The following UBXN4 variants were observed in gnomAD, a reference collection of about 807,000 sequenced individuals.
UBXN4 encodes the protein UBX domain protein 4.
UBXN4 carries 35 observed loss-of-function variants against 66.2 expected under a neutral mutation model. The ratio of observed to expected loss-of-function variants is 0.53; its 90% CI spans 0.40 to 0.70. The LOEUF (loss-of-function observed/expected upper bound fraction) is 0.70. Ranked by LOEUF, UBXN4 falls within the 30% of genes least tolerant of loss-of-function variation. The pLI is 0.00. For synonymous variants in UBXN4, 203 were observed against 204.5 expected, an observed-to-expected ratio of 0.99 and a Z score of 0.06; for missense variants, 533 against 599.8, an observed-to-expected ratio of 0.89 and a Z score of 1.16.
At chr2:135,778,621 T>C (rs2077432085) in intron 10 of UBXN4, among the ~76,000 whole-genome samples, 1 of 152,214 alleles carries the variant, frequency 6.6e-6, no homozygotes, top group Admixed American at 6.5e-5. Context: ...TGCCAAAGGA[T>C]AGTGAAAACC....
At position 135,769,752 on chromosome 2, in the gene UBXN4, T is replaced by C. The variant is rs753295178; in HGVS notation, c.603-17T>C. On this transcript the variant is annotated splice_polypyrimidine_tract_variant and intron_variant, in intron 6 of 12. Coordinates refer to ENST00000272638, the MANE Select transcript of UBXN4 (RefSeq NM_014607.4). The stretch of plus-strand genomic sequence containing the variant: ...GATGTGTCTCAATTAGTGGTGGTTT[T>C]TTTTTTTTTAATACAGACTAACAAA... 2 of 1,553,850 alleles carry C rather than the reference T, an allele frequency of 1.3e-6. No individual in the cohort carries two copies. The highest frequency in any genetic ancestry group is 2.4e-5 in the South Asian group (2 of 82,794).
intron 9 of UBXN4, among the ~76,000 whole-genome samples, chr2:135,774,651 C>T (rs1470823684): frequency 6.6e-6 from 1 of 152,160 alleles, no homozygotes; most frequent in East Asian, 1.9e-4. Context: ...TCAAAACCAG[C>T]CTCGCCAACG....
intron 6 of UBXN4, among the ~76,000 whole-genome samples, chr2:135,768,247 G>A (rs2077359303): frequency 6.6e-6 from 1 of 151,920 alleles, no homozygotes; most frequent in African/African-American, 2.4e-5. Flanking sequence ...TTCCCAGGCT[G>A]GAGTGCAGTT....
intron 5 of UBXN4, among the ~76,000 whole-genome samples, chr2:135,761,270 G>A (rs959205568): frequency 6.6e-6 from 1 of 152,192 alleles, no homozygotes; most frequent in Admixed American, 6.5e-5. Flanking sequence ...GCATAAAGAG[G>A]CTCTCTAAGG....
intron 10 of UBXN4, among the ~76,000 whole-genome samples, chr2:135,776,859 G>C (rs1279563340): frequency 6.6e-6 from 1 of 152,166 alleles, no homozygotes; most frequent in African/African-American, 2.4e-5. Context: ...CTCGCAGTGC[G>C]TTGGGATTAC....
intron 1 of UBXN4, among the ~76,000 whole-genome samples, chr2:135,742,246 C>A (rs924554977): frequency 4.6e-5 from 7 of 152,216 alleles, no homozygotes; most frequent in African/African-American, 1.7e-4. Flanking sequence ...CGCCCCCAGC[C>A]TTTCCTCAGT....
At chr2:135,772,143 G>A (rs533896769) in intron 8 of UBXN4, among the ~76,000 whole-genome samples, 2 of 151,918 alleles carry the variant, frequency 1.3e-5, no homozygotes, top group East Asian at 3.9e-4. Flanking sequence ...AACAAAGTGA[G>A]ACCCCACCTC....
rs185790312 is a variant in UBXN4 at position 135,755,609 on chromosome 2, C to T, written c.426C>T (p.Asn142=). 996 of 1,610,090 alleles carry T rather than the reference C, an allele frequency of 6.2e-4. 3 individuals are homozygous for T. The highest frequency in any genetic ancestry group is 1.1e-3 in the African/African-American group (85 of 74,886). The change falls in exon 5 of 13, where the codon AAC becomes AAT. Residue 142 remains asparagine (N), a synonymous_variant. Coordinates refer to ENST00000272638, the MANE Select transcript of UBXN4 (RefSeq NM_014607.4). Reference sequence around the variant, plus strand: ...CATCTGCGTCATTTGAACCTAACAACACTTGTGAAAACTCTCAGTCCAGAA... The same window carrying T: ...CATCTGCGTCATTTGAACCTAACAATACTTGTGAAAACTCTCAGTCCAGAA... The part of the protein sequence containing the change: ...STPSASFEPN[N]TCENSQSRNA...
chr2:135,753,440 A>T, intron 2 of UBXN4, 99 bp from the exon 3 acceptor site: 1 of 1,049,584 alleles, frequency 9.5e-7, no homozygotes, highest in Non-Finnish European at 1.3e-6. Context: ...TAGTTGCAGG[A>T]AAATACTTGT....
intron 2 of UBXN4, among the ~76,000 whole-genome samples, chr2:135,750,429 C>T (rs932329914): frequency 5.9e-5 from 9 of 152,022 alleles, no homozygotes; most frequent in African/African-American, 2.2e-4. Flanking sequence ...TGCTGTGAAC[C>T]CGGGAGGCAG....
At chr2:135,762,419 A>C (rs996170762) in intron 6 of UBXN4, among the ~76,000 whole-genome samples, 1 of 152,178 alleles carries the variant, frequency 6.6e-6, no homozygotes, top group African/African-American at 2.4e-5. Context: ...TGATTCCTAC[A>C]TGAGTTAATA....
intron 6 of UBXN4, among the ~76,000 whole-genome samples, chr2:135,766,312 A>G (rs1575320223): frequency 6.6e-6 from 1 of 152,220 alleles, no homozygotes; most frequent in African/African-American, 2.4e-5. Flanking sequence ...ACGTTTATAC[A>G]CCATTTTCAG....
rs1427329559 is a variant in UBXN4, at chr2:135,779,004, A to G, written c.1110A>G (p.Glu370=). 2.5e-5 allele frequency: 40 copies of G among 1,613,646 alleles called. No homozygotes were observed. Among genetic ancestry groups the G allele is most frequent in the Non-Finnish European group, 3.1e-5 (37 of 1,179,860 alleles). Residue 370 remains glutamate, a synonymous_variant, in exon 11 of 13, where the codon GAA becomes GAG. Coordinates refer to ENST00000272638, the MANE Select transcript of UBXN4 (RefSeq NM_014607.4). The part of the protein sequence containing the change: ...FSLATMFPRR[E]FTKEDYKKKL... ...TAGCAACCATGTTTCCCAGGAGGGA[A>G]TTTACCAAAGAAGATTATAAAAAGA...
chr2:135,760,305 C>T (rs2077307167), intron 5 of UBXN4, among the ~76,000 whole-genome samples: 1 of 152,048 alleles, frequency 6.6e-6, no homozygotes, highest in Non-Finnish European at 1.5e-5. Context: ...GTAGCGTGCA[C>T]TGGTGGCCCC....
intron 5 of UBXN4, among the ~76,000 whole-genome samples, chr2:135,760,140 C>G (rs2077306345): frequency 6.6e-6 from 1 of 152,054 alleles, no homozygotes; most frequent in Admixed American, 6.6e-5. Flanking sequence ...TTTGGGTCAC[C>G]CATAAAGTTA....
intron 2 of UBXN4, among the ~76,000 whole-genome samples, chr2:135,749,714 C>T (rs1402320122): frequency 6.6e-6 from 1 of 152,090 alleles, no homozygotes. Flanking sequence ...AATAACCAGC[C>T]AGTGTTCGAC....
At chr2:135,748,661 GC>G (rs892522113) in intron 2 of UBXN4, among the ~76,000 whole-genome samples, 1 of 151,614 alleles carries the variant, frequency 6.6e-6, no homozygotes, top group Non-Finnish European at 1.5e-5. Flanking sequence ...GAAGACTGGG[GC>G]TACAGTGAGC....
chr2:135,766,153 CAAAA>C (rs111265108), intron 6 of UBXN4, among the ~76,000 whole-genome samples: 1 of 121,320 alleles, frequency 8.2e-6, no homozygotes, highest in Non-Finnish European at 1.8e-5. Flanking sequence ...AAAGCCATCT[CAAAA>C]AAAAAAAAAA....
rs558526792 is a variant in UBXN4 at position 135,747,693 on chromosome 2, G to A, written c.83-574G>A. On this transcript the variant is annotated intron_variant, in intron 1 of 12. Coordinates refer to ENST00000272638, the MANE Select transcript of UBXN4 (RefSeq NM_014607.4). ...TGTGTCACCCAGGCTGGAGTGCAGT[G>A]GTGCAATCTCCGCTCACTGCAACTT... 478 of 456,272 alleles carry A rather than the reference G, an allele frequency of 1.0e-3. 2 individuals carry two copies. The highest frequency in any genetic ancestry group is 8.9e-3 in the African/African-American group (447 of 50,144). The allele number at this position is 456,272 out of a possible 1,614,324, so 28.3% of individuals were successfully genotyped here.
Sources: gnomAD v4.1 joint callset for allele counts (sites outside exome capture counted in the v4.1 genomes callset) on GRCh38, gnomAD v4.1.1 for gene constraint, MANE v1.5 for transcripts, NCBI Gene and HGNC (gene_info 2026-07-23, HGNC 2026-07-21) for gene names.